Variants in TGS1 observed in about 807,000 individuals in gnomAD.
The protein encoded by TGS1 is trimethylguanosine synthase 1.
Under a neutral mutation model 92.2 loss-of-function variants are expected in TGS1, and 69 were observed. The ratio of observed to expected loss-of-function variants is 0.75; its 90% CI spans 0.62 to 0.91. The LOEUF (loss-of-function observed/expected upper bound fraction) is 0.91, where lower values mean the gene tolerates loss of function less well. Ranked by LOEUF, TGS1 falls within the 40% of genes least tolerant of loss-of-function variation. The pLI is 0.00. For missense variants in TGS1, 1,062 were observed against 1,001.2 expected (o/e 1.06, Z -0.82); for synonymous variants, 345 against 338.1 (o/e 1.02, Z -0.22).
chr8:55,815,624 C>T (rs1388994046), intron 12 of TGS1, among the ~76,000 whole-genome samples: 2 of 152,256 alleles, frequency 1.3e-5, no homozygotes, highest in Non-Finnish European at 2.9e-5. Context: ...AGATTGTACT[C>T]TTAGATAATA....
intron 11 of TGS1, among the ~76,000 whole-genome samples, chr8:55,811,676 G>A (rs1244747866): frequency 2.0e-5 from 3 of 150,060 alleles, no homozygotes; most frequent in Admixed American, 6.6e-5. Flanking sequence ...CAGGAGAATC[G>A]CTTGGACCAG....
rs766421017 is a variant in TGS1 at position 55,798,902 on chromosome 8, T to C, written c.1543-12T>C. On this transcript the variant is annotated splice_polypyrimidine_tract_variant and intron_variant, in intron 7 of 12. Transcript: ENST00000260129. ...ATTAATTCCTGCTCATGATGTCATC[T>C]TAAAATTTAAGGTAGAAAAATTCCT... The C allele has an allele frequency of 1.3e-6, 2 of 1,582,000 alleles. No individual in the cohort carries two copies. The highest frequency in any genetic ancestry group is 1.7e-6 in the Non-Finnish European group (2 of 1,164,830).
rs780376295 is a variant in TGS1, at chr8:55,813,107, G to C, written c.2428G>C (p.Asp810His). 13 of 1,608,104 alleles carry C rather than the reference G, an allele frequency of 8.1e-6. No individual in the cohort carries two copies. The highest frequency in any genetic ancestry group is 1.1e-5 in the Non-Finnish European group (13 of 1,175,808). The change falls in exon 12 of 13, where the codon GAT becomes CAT. Residue 810 changes from aspartate to histidine, a missense_variant. Coordinates refer to ENST00000260129, the MANE Select transcript of TGS1 (RefSeq NM_024831.8). ...TGTTTATTTTCTTCCAAGAAATGCT[G>C]ATATTGACCAGGTAAGCCATTACTG... ...NIVYFLPRNA[D>H]IDQVASLAGP...
intron 12 of TGS1, among the ~76,000 whole-genome samples, chr8:55,815,262 A>C (rs1270682860): frequency 6.6e-6 from 1 of 152,178 alleles, no homozygotes; most frequent in Non-Finnish European, 1.5e-5. Context: ...TTGCCTCTAG[A>C]GGGAGTAATG....
rs944034961 is a variant in TGS1 at position 55,786,642 on chromosome 8, T to C, written c.744T>C (p.Tyr248=). ...ATTATAGTCAACTTTATTGGTATTA[T>C]TTGGAACAATTTCAGTATTGGGAAG... The part of the protein sequence containing the change: ...EQHYSQLYWY[Y]LEQFQYWEAQ... Residue 248 remains tyrosine (Y), a synonymous_variant, in exon 4 of 13, where the codon TAT becomes TAC. Transcript: ENST00000260129. 6.2e-7 allele frequency: 1 copy of C among 1,614,038 alleles called. No individual in the cohort carries two copies. The highest frequency in any genetic ancestry group is 8.5e-7 in the Non-Finnish European group (1 of 1,180,040).
At chr8:55,813,355 A>T (rs962808597) in intron 12 of TGS1, among the ~76,000 whole-genome samples, 1 of 152,248 alleles carries the variant, frequency 6.6e-6, no homozygotes, top group Non-Finnish European at 1.5e-5. Context: ...TTGACTAGAC[A>T]TATTGAAAGG....
At chr8:55,801,395 C>T (rs557552528) in intron 8 of TGS1, among the ~76,000 whole-genome samples, 39 of 151,238 alleles carry the variant, frequency 2.6e-4, no homozygotes, top group South Asian at 8.3e-4. Context: ...CTGAGCCTCC[C>T]GAGTAGCTGG....
At chr8:55,804,579 C>T (rs1053263055) in intron 9 of TGS1, among the ~76,000 whole-genome samples, 2 of 152,064 alleles carry the variant, frequency 1.3e-5, no homozygotes, top group African/African-American at 4.8e-5. Context: ...CTATTTTCCA[C>T]AGGAGTCAGT....
chr8:55,821,415 A>G (rs2130260230), intron 12 of TGS1, among the ~76,000 whole-genome samples: 1 of 152,298 alleles, frequency 6.6e-6, no homozygotes, highest in South Asian at 2.1e-4. Flanking sequence ...CACAGACTTC[A>G]GAACTCATGA....
In TGS1 at chr8:55,780,492, C is replaced by T. The variant is rs138203489; in HGVS notation, c.102-2256C>T. Among the ~76,000 whole-genome samples the T allele has an allele frequency of 1.1e-4, 17 of 152,250 alleles. No individual in the cohort carries two copies. The East Asian group carries it at 3.3e-3, about 29-fold the overall frequency. ...GGCCTCAGGAGGCACTTTTTGTAGA[C>T]AGTATACCATCATGGGTGATGTTGC... On this transcript the variant is annotated intron_variant, in intron 1 of 12. Coordinates refer to ENST00000260129, the MANE Select transcript of TGS1 (RefSeq NM_024831.8).
chr8:55,783,183 C>A (rs1359752818), intron 2 of TGS1, among the ~76,000 whole-genome samples: 2 of 152,132 alleles, frequency 1.3e-5, no homozygotes, highest in African/African-American at 4.8e-5. Flanking sequence ...TTTTGGGAGG[C>A]CAAGGCAAGC....
intron 12 of TGS1, among the ~76,000 whole-genome samples, chr8:55,822,561 T>TCCCC (rs1554566551): frequency 9.9e-5 from 15 of 150,806 alleles, no homozygotes; most frequent in African/African-American, 3.4e-4. Context: ...TTTTTTTTTT[T>TCCCC]CCCCCTTTCT....
chr8:55,805,998 G>A lies in TGS1; in HGVS notation c.2143+962G>A, dbSNP rs1812357972. Among the ~76,000 whole-genome samples the A allele has an allele frequency of 2.6e-5, 4 of 151,868 alleles. No homozygotes were observed. In the South Asian group the frequency reaches 6.2e-4, roughly 24 times the overall value. On this transcript the variant is annotated intron_variant, in intron 10 of 12. Transcript: ENST00000260129. ...GACCTGAGCCCAGAAATTGCAGGCTGCAGTGAGCTGTGATTGCACCACTGT... is the reference window on the plus strand; with the variant it reads ...GACCTGAGCCCAGAAATTGCAGGCTACAGTGAGCTGTGATTGCACCACTGT...
chr8:55,795,685 G>T (rs1057437944), intron 6 of TGS1, among the ~76,000 whole-genome samples: 3 of 152,036 alleles, frequency 2.0e-5, no homozygotes, highest in Non-Finnish European at 4.4e-5. Context: ...TTGTTTGTTT[G>T]TTTGTTTTAC....
intron 5 of TGS1, among the ~76,000 whole-genome samples, chr8:55,790,816 G>T (rs1811860319): frequency 6.6e-6 from 1 of 152,166 alleles, no homozygotes; most frequent in Non-Finnish European, 1.5e-5. Context: ...ACCACACCCG[G>T]CCTAAGTACA....
intron 10 of TGS1, among the ~76,000 whole-genome samples, 194 bp downstream of exon 10, chr8:55,805,230 G>A (rs2130200048): frequency 6.6e-6 from 1 of 152,124 alleles, no homozygotes; most frequent in Non-Finnish European, 1.5e-5. Context: ...TCCTACAGTT[G>A]ACCCTTGGAC....
In TGS1 at chr8:55,790,308, C is replaced by T. The variant is rs1482265013; in HGVS notation, c.1280+9C>T. 2 of 1,561,678 alleles carry T rather than the reference C, an allele frequency of 1.3e-6. No individual in the cohort carries two copies. Among genetic ancestry groups the T allele is most frequent in the Admixed American group, 1.7e-5 (1 of 59,922 alleles). On this transcript the variant is annotated intron_variant, in intron 5 of 12. Transcript: ENST00000260129. ...AGCAAACTGAAGAGGAGGTAAGTTA[C>T]ATGAGACCCCTCTCACCAGAGCGTG...
rs764497961 is a variant in TGS1 at position 55,798,994 on chromosome 8, C to T, written c.1623C>T (p.His541=). The T allele has an allele frequency of 1.4e-5, 22 of 1,613,932 alleles. No homozygotes were observed. Among genetic ancestry groups the T allele is most frequent in the Middle Eastern group, 1.6e-4 (1 of 6,084 alleles). ...SQESSSHDNV[H]DASTSSDSEE... ...AATCATCTTCTCATGACAATGTGCA[C>T]GACGCTTCCACAAGTAGTGATTCAG... The change falls in exon 8 of 13, where the codon CAC becomes CAT. Residue 541 remains histidine (H), a synonymous_variant. Transcript: ENST00000260129.
chr8:55,791,195 T>C (rs1405355520), intron 5 of TGS1, among the ~76,000 whole-genome samples: 1 of 152,208 alleles, frequency 6.6e-6, no homozygotes, highest in East Asian at 1.9e-4. Flanking sequence ...AATTTCTGTT[T>C]ACCACTGTGA....
Sources: gnomAD v4.1 joint callset for allele counts (sites outside exome capture counted in the v4.1 genomes callset) on GRCh38, gnomAD v4.1.1 for gene constraint, MANE v1.5 for transcripts, NCBI Gene and HGNC (gene_info 2026-07-23, HGNC 2026-07-21) for gene names.